RSL1D1: variants seen among roughly 807,000 people sequenced by gnomAD.
RSL1D1 encodes ribosomal L1 domain containing 1.
Under a neutral mutation model 44.6 loss-of-function variants are expected in RSL1D1, and 34 were observed. The observed-to-expected ratio is 0.76, with a 90% CI of 0.58 to 1.02. The LOEUF (loss-of-function observed/expected upper bound fraction) is 1.02. RSL1D1 is among the 50% of genes least tolerant of loss of function. The pLI is 0.00. For missense variants in RSL1D1, 767 were observed against 568.1 expected, an observed-to-expected ratio of 1.35 and a Z score of -3.56; for synonymous variants, 271 against 207.4, an observed-to-expected ratio of 1.31 and a Z score of -2.63.
chr16:11,846,283 T>C (rs1214678566), intron 5 of RSL1D1, among the ~76,000 whole-genome samples: 1 of 150,896 alleles, frequency 6.6e-6, no homozygotes, highest in East Asian at 2.0e-4. Flanking sequence ...TAGTCCCAGC[T>C]ACTCGGGAGG....
chr16:11,845,626 A>C (rs1390183953), intron 5 of RSL1D1, among the ~76,000 whole-genome samples: 1 of 152,246 alleles, frequency 6.6e-6, no homozygotes, highest in African/African-American at 2.4e-5. Flanking sequence ...CAATAGCTAC[A>C]TACAAATAGT....
At chr16:11,844,216 C>A (rs536984961) in intron 5 of RSL1D1, among the ~76,000 whole-genome samples, 1 of 152,122 alleles carries the variant, frequency 6.6e-6, no homozygotes, top group African/African-American at 2.4e-5. Context: ...GGGAGAGGAA[C>A]AGAAGTGGAA....
Position 11,837,100 on chromosome 16 carries a change from A to G in RSL1D1, c.*687T>C, listed in dbSNP as rs983063692. On this transcript the variant is annotated 3_prime_UTR_variant, in exon 9 of 9. Coordinates refer to ENST00000571133, the MANE Select transcript of RSL1D1 (RefSeq NM_015659.3). ...TTGATCCTTCCACCTCAGCCTCGTG[A>G]GGAGCTGGGAGCACAGATGCATGCC... The G allele has an allele frequency of 2.0e-5, 3 of 152,238 alleles. No homozygotes were observed. Among genetic ancestry groups the G allele is most frequent in the Admixed American group, 2.0e-4 (3 of 15,264 alleles). The allele number at this position is 152,238 out of a possible 1,614,324, so 9.4% of individuals were successfully genotyped here. A position where few individuals can be genotyped will look rare whatever the true frequency, so the allele number is the denominator to read the frequency against.
intron 7 of RSL1D1, among the ~76,000 whole-genome samples, chr16:11,840,608 C>T (rs954681983): frequency 6.6e-6 from 1 of 152,062 alleles, no homozygotes; most frequent in Non-Finnish European, 1.5e-5. Context: ...ATTAACATGG[C>T]TAAAGAGAGA....
chr16:11,842,922 ATTT>A (rs34129214), intron 5 of RSL1D1, among the ~76,000 whole-genome samples: 12 of 106,748 alleles, frequency 1.1e-4, no homozygotes, highest in East Asian at 2.4e-4. Context: ...CGCCCAGCTA[ATTT>A]TTTTTTTTTT....
chr16:11,844,877 A>T (rs981239590), intron 5 of RSL1D1, among the ~76,000 whole-genome samples: 2 of 152,188 alleles, frequency 1.3e-5, no homozygotes, highest in Non-Finnish European at 2.9e-5. Context: ...ACTGCCAATA[A>T]TACAAACTTA....
rs184850508 is a variant in RSL1D1 at position 11,837,574 on chromosome 16, C to A, written c.*213G>T. ...CCATGTTGGCCAGGATGGTCTCGAT[C>A]TCGTTGACCTTGTGATCCGCCTGCC... On this transcript the variant is annotated 3_prime_UTR_variant, in exon 9 of 9. Coordinates refer to ENST00000571133, the MANE Select transcript of RSL1D1 (RefSeq NM_015659.3). 8.1e-5 allele frequency: 40 copies of A among 494,860 alleles called. No homozygotes were observed. The East Asian group carries it at 1.1e-3, about 14-fold the overall frequency. 30.7% of individuals were successfully genotyped at this position (494,860 alleles called of 1,614,324 possible).
In RSL1D1 at chr16:11,838,063, G is replaced by T. The variant is rs1363692562; in HGVS notation, c.1197C>A (p.Pro399=). ...GKKSPAKSPN[P]STPRGKKRKA... ...TTCTTTTCTTCCCACGAGGTGTGCT[G>T]GGATTAGGACTCTTTGCTGGAGACT... The change falls in exon 9 of 9, where the codon CCC becomes CCA. Residue 399 remains proline, a synonymous_variant. Transcript: ENST00000571133. The T allele has an allele frequency of 6.2e-7, 1 of 1,610,554 alleles. No individual in the cohort carries two copies. Among genetic ancestry groups the T allele is most frequent in the Admixed American group, 1.7e-5 (1 of 59,024 alleles).
chr16:11,835,541 TGGAGTGCA>T lies in RSL1D1; in HGVS notation c.*2238_*2245del, dbSNP rs976723429. On this transcript the variant is annotated 3_prime_UTR_variant, in exon 9 of 9. Coordinates refer to ENST00000571133, the MANE Select transcript of RSL1D1 (RefSeq NM_015659.3). ...GACTGTCTCTCTCTGTTGCCCAGGC[TGGAGTGCA>T]GGATCGTGATCATGGCCCATTGCAG... The T allele has an allele frequency of 2.6e-5, 4 of 152,214 alleles. No homozygotes were observed. Among genetic ancestry groups the T allele is most frequent in the Non-Finnish European group, 4.4e-5 (3 of 68,138 alleles). The allele number at this position is 152,214 out of a possible 1,614,324, so 9.4% of individuals were successfully genotyped here.
intron 5 of RSL1D1, among the ~76,000 whole-genome samples, 195 bp from the exon 6 acceptor site, chr16:11,842,195 T>C (rs2053768285): frequency 6.6e-6 from 1 of 151,994 alleles, no homozygotes; most frequent in African/African-American, 2.4e-5. Context: ...GGCATGGTGG[T>C]ACATGCCTGT....
rs2053704657 is a variant in RSL1D1 at position 11,834,682 on chromosome 16, A to C, written c.*3105T>G. ...ATAAAACCTAGTTTCTATGGAAAAC[A>C]ATCAATTAAGCTAAACCCCCACATT... On this transcript the variant is annotated 3_prime_UTR_variant, in exon 9 of 9. Transcript: ENST00000571133. 6.6e-6 allele frequency: 1 copy of C among 152,240 alleles called. No individual in the cohort carries two copies. Among genetic ancestry groups the C allele is most frequent in the South Asian group, 2.1e-4 (1 of 4,836 alleles). The allele number at this position is 152,240 out of a possible 1,614,324, so 9.4% of individuals were successfully genotyped here. A position where few individuals can be genotyped will look rare whatever the true frequency, so the allele number is the denominator to read the frequency against.
At chr16:11,842,824 C>T (rs1394579867) in intron 5 of RSL1D1, among the ~76,000 whole-genome samples, 6 of 151,224 alleles carry the variant, frequency 4.0e-5, no homozygotes, top group African/African-American at 7.3e-5. Flanking sequence ...GACGTGATCT[C>T]GGCCCACTGC....
At chr16:11,849,095 A>G (rs2053818203) in intron 2 of RSL1D1, among the ~76,000 whole-genome samples, 1 of 152,084 alleles carries the variant, frequency 6.6e-6, no homozygotes, top group South Asian at 2.1e-4. Flanking sequence ...AACTTTTAAG[A>G]ATTGAAACAG....
At chr16:11,845,669 A>G (rs1157375054) in intron 5 of RSL1D1, among the ~76,000 whole-genome samples, 3 of 152,098 alleles carry the variant, frequency 2.0e-5, no homozygotes, top group Non-Finnish European at 2.9e-5. Context: ...GATGCAGGCC[A>G]TTTCCATCAC....
chr16:11,838,296 G>C (rs1037709018), intron 8 of RSL1D1, among the ~76,000 whole-genome samples, 183 bp from the exon 9 acceptor site: 1 of 151,928 alleles, frequency 6.6e-6, no homozygotes, highest in Non-Finnish European at 1.5e-5. Context: ...CGAGTAGCTG[G>C]TATTATAGGT....
intron 3 of RSL1D1, 192 bp downstream of exon 3, chr16:11,847,476 G>T (rs1447319856): frequency 1.9e-6 from 1 of 534,606 alleles, no homozygotes; most frequent in Non-Finnish European, 3.3e-6. Context: ...TGGAAGTACA[G>T]AGGAATGACA....
In RSL1D1 at chr16:11,837,834, T is replaced by C. The variant is rs1474572883; in HGVS notation, c.1426A>G (p.Thr476Ala). Residue 476 changes from threonine (T) to alanine (A), a missense_variant, in exon 9 of 9, where the codon ACC becomes GCC. Thr to Ala is a moderately conservative substitution (Grantham distance 58). Transcript: ENST00000571133. ...PSKSVRKASH[T>A]PKKWPKKPKV... Reference sequence around the variant, plus strand: ...GGTTTTTTGGGCCATTTTTTGGGGGTGTGGGAAGCTTTTCTCACAGATTTA... The same window carrying C: ...GGTTTTTTGGGCCATTTTTTGGGGGCGTGGGAAGCTTTTCTCACAGATTTA... 2 of 1,612,528 alleles carry C rather than the reference T, an allele frequency of 1.2e-6. No homozygotes were observed. Among genetic ancestry groups the C allele is most frequent in the East Asian group, 2.2e-5 (1 of 44,874 alleles).
In RSL1D1 at chr16:11,841,695, T is replaced by A. The variant is rs753364599; in HGVS notation, c.855A>T (p.Lys285Asn). The A allele has an allele frequency of 1.2e-6, 2 of 1,610,186 alleles. No individual in the cohort carries two copies. The highest frequency in any genetic ancestry group is 1.7e-6 in the Non-Finnish European group (2 of 1,178,684). Reference sequence around the variant, plus strand: ...TGTAAGTATTTAAAATTCTACTAACTTTTTTCTTCTTATTAAGCAAAGATC... The same window carrying A: ...TGTAAGTATTTAAAATTCTACTAACATTTTTCTTCTTATTAAGCAAAGATC... ...TKRSLLNKKK[K>N]EARRKRRERN... The change falls in exon 7 of 9, where the codon AAA (lysine) becomes AAT (asparagine). Residue 285 changes from lysine to asparagine, a missense_variant and splice_region_variant. Coordinates refer to ENST00000571133, the MANE Select transcript of RSL1D1 (RefSeq NM_015659.3).
intron 5 of RSL1D1, 137 bp downstream of exon 5, chr16:11,846,364 C>T (rs1163004343): frequency 3.7e-6 from 2 of 541,660 alleles, no homozygotes; most frequent in South Asian, 4.8e-5. Flanking sequence ...CACTGCACTC[C>T]AGCCTGGCAG....
Sources: gnomAD v4.1 joint callset for allele counts (sites outside exome capture counted in the v4.1 genomes callset) on GRCh38, gnomAD v4.1.1 for gene constraint, MANE v1.5 for transcripts, NCBI Gene and HGNC (gene_info 2026-07-23, HGNC 2026-07-21) for gene names.